Variants in RBFOX1 observed in about 807,000 individuals in gnomAD.
RBFOX1 encodes the protein RNA binding protein fox-1 homolog 1.
Under a neutral mutation model 57.7 loss-of-function variants are expected in RBFOX1, and 8 were observed. The ratio of observed to expected loss-of-function variants is 0.14; its 90% CI spans 0.08 to 0.25. The LOEUF (loss-of-function observed/expected upper bound fraction) is 0.25. Among genes scored for constraint, RBFOX1 ranks in the 10% least tolerant of loss-of-function variants. The pLI is 1.00. For missense variants in RBFOX1, 611 were observed against 548.5 expected (o/e 1.11, Z -1.14); for synonymous variants, 326 against 222.4 (o/e 1.47, Z -4.15).
At chr16:7,028,696 G>T (rs748967426) in intron 3 of RBFOX1, among the ~76,000 whole-genome samples, 6 of 149,068 alleles carry the variant, frequency 4.0e-5, no homozygotes, top group Admixed American at 3.4e-4. Context: ...ATTTGAAAAT[G>T]TGAACCAACT....
At chr16:7,389,234 C>G (rs576208785) in intron 4 of RBFOX1, among the ~76,000 whole-genome samples, 30 of 152,228 alleles carry the variant, frequency 2.0e-4, no homozygotes, top group African/African-American at 6.3e-4. Context: ...TTAGATGATC[C>G]TGTACCTCAG....
At chr16:7,427,380 G>C (rs951970808) in intron 4 of RBFOX1, among the ~76,000 whole-genome samples, 82 of 152,258 alleles carry the variant, frequency 5.4e-4, no homozygotes, top group African/African-American at 1.9e-3. Flanking sequence ...GCTGGTCTGA[G>C]AACCCCCAAG....
At chr16:6,892,219 C>T (rs1446775722) in intron 3 of RBFOX1, among the ~76,000 whole-genome samples, 1 of 152,106 alleles carries the variant, frequency 6.6e-6, no homozygotes, top group African/African-American at 2.4e-5. Context: ...CAGAACTTCC[C>T]CAGAGCTCCT....
intron 3 of RBFOX1, among the ~76,000 whole-genome samples, chr16:6,993,861 C>T (rs976303847): frequency 6.6e-6 from 1 of 152,162 alleles, no homozygotes; most frequent in Non-Finnish European, 1.5e-5. Context: ...GCAATACCAC[C>T]TCTTCCCCGA....
intron 3 of RBFOX1, among the ~76,000 whole-genome samples, chr16:6,953,465 A>C (rs1429114182): frequency 6.6e-6 from 1 of 151,958 alleles, no homozygotes; most frequent in Non-Finnish European, 1.5e-5. Flanking sequence ...AGCTCACCGC[A>C]ACCTCCACCT....
intron 3 of RBFOX1, among the ~76,000 whole-genome samples, chr16:6,933,510 C>G (rs911279406): frequency 6.6e-6 from 1 of 152,180 alleles, no homozygotes; most frequent in African/African-American, 2.4e-5. Context: ...GTCAGGAGTT[C>G]CAGACCAGCC....
intron 4 of RBFOX1, among the ~76,000 whole-genome samples, chr16:7,057,569 G>T (rs994089281): frequency 2.0e-5 from 3 of 152,216 alleles, no homozygotes; most frequent in African/African-American, 7.2e-5. Flanking sequence ...AAAGGAGCCT[G>T]ATTGGCTTAG....
chr16:5,579,790 C>A (rs770932512), intron 2 of RBFOX1, among the ~76,000 whole-genome samples: 1 of 149,982 alleles, frequency 6.7e-6, no homozygotes, highest in Non-Finnish European at 1.5e-5. Context: ...GAAGGAGTCT[C>A]GCTCTGTTGC....
chr16:6,211,670 G>T (rs1041676510), intron 1 of RBFOX1, among the ~76,000 whole-genome samples: 2 of 152,062 alleles, frequency 1.3e-5, no homozygotes, highest in Non-Finnish European at 2.9e-5. Context: ...TTCTCTCTAG[G>T]TATGGCCTTT....
chr16:6,400,155 A>G (rs2093010186), intron 2 of RBFOX1, among the ~76,000 whole-genome samples: 1 of 152,216 alleles, frequency 6.6e-6, no homozygotes, highest in African/African-American at 2.4e-5. Context: ...CAGCATGCAC[A>G]TGTTTTCAAG....
At position 6,753,230 on chromosome 16, in the gene RBFOX1, G is replaced by C. The variant is rs984191545; in HGVS notation, c.-16+98580G>C. ...GGGATGGACAGATGGAAATAGCTGGGATAAAGCAAGTATAGTAAAATGCCA... is the reference window on the plus strand; with the variant it reads ...GGGATGGACAGATGGAAATAGCTGGCATAAAGCAAGTATAGTAAAATGCCA... On this transcript the variant is annotated intron_variant, in intron 3 of 15. Transcript: ENST00000550418. Among the ~76,000 whole-genome samples the C allele has an allele frequency of 2.0e-5, 3 of 152,310 alleles. No homozygotes were observed. In the South Asian group the frequency reaches 6.2e-4, roughly 32 times the overall value.
At chr16:5,510,622 C>T (rs2043550716) in intron 2 of RBFOX1, among the ~76,000 whole-genome samples, 1 of 152,128 alleles carries the variant, frequency 6.6e-6, no homozygotes, top group Non-Finnish European at 1.5e-5. Context: ...TGGGGGCTAG[C>T]AATTCAATCT....
At chr16:5,288,154 C>G (rs2063445140) in intron 1 of RBFOX1, among the ~76,000 whole-genome samples, 1 of 152,184 alleles carries the variant, frequency 6.6e-6, no homozygotes. Context: ...TATTTCCGAT[C>G]AATTTTGACA....
intron 11 of RBFOX1, among the ~76,000 whole-genome samples, chr16:7,648,717 C>T (rs923421739): frequency 6.6e-6 from 1 of 152,060 alleles, no homozygotes; most frequent in Admixed American, 6.6e-5. Context: ...TGATGAAGAC[C>T]CTTTAATAGG....
chr16:6,895,957 G>A (rs186916298), intron 3 of RBFOX1, among the ~76,000 whole-genome samples: 302 of 152,000 alleles, frequency 2.0e-3, no homozygotes, highest in Non-Finnish European at 3.6e-3. Context: ...TATTTGTGGG[G>A]TACCAAAGAT....
chr16:5,459,520 T>C (rs1027699161), intron 1 of RBFOX1, among the ~76,000 whole-genome samples: 7 of 152,284 alleles, frequency 4.6e-5, no homozygotes, highest in African/African-American at 9.6e-5. Context: ...CCACTCTAAA[T>C]GGATGTCTCA....
At chr16:6,106,190 C>T (rs2096376278) in intron 1 of RBFOX1, among the ~76,000 whole-genome samples, 1 of 152,114 alleles carries the variant, frequency 6.6e-6, no homozygotes, top group African/African-American at 2.4e-5. Flanking sequence ...GGCCCAGTAG[C>T]TCCTGCCTGT....
chr16:6,291,404 G>A (rs990443242), intron 1 of RBFOX1, among the ~76,000 whole-genome samples: 7 of 152,050 alleles, frequency 4.6e-5, no homozygotes, highest in African/African-American at 1.4e-4. Flanking sequence ...CCGCAGGGAC[G>A]GAATTGTTTC....
intron 4 of RBFOX1, among the ~76,000 whole-genome samples, chr16:7,130,484 A>C (rs1490419760): frequency 2.0e-5 from 3 of 152,292 alleles, no homozygotes; most frequent in African/African-American, 4.8e-5. Context: ...TGTCTCACTC[A>C]TTGCAGTACT....
Sources: allele counts gnomAD v4.1 joint callset (sites outside exome capture counted in the v4.1 genomes callset), GRCh38; gene constraint gnomAD v4.1.1; transcripts MANE v1.5; gene names NCBI Gene and HGNC (gene_info 2026-07-23, HGNC 2026-07-21).